PLSCR4: variants seen among roughly 807,000 people sequenced by gnomAD.
PLSCR4 encodes Ca(2+)-dependent phospholipid scramblase 4.
In PLSCR4, 25 loss-of-function variants were observed where a neutral mutation model predicts 36.3. That is an observed-to-expected ratio of 0.69 (90% confidence interval 0.50 to 0.96). PLSCR4 has a LOEUF of 0.96. Ranked by LOEUF, PLSCR4 falls within the 40% of genes least tolerant of loss-of-function variation. The probability of loss-of-function intolerance (pLI) is 0.00; values close to 1 mark genes in which losing one functional copy is unlikely to be tolerated. For missense variants in PLSCR4, 408 were observed against 414.7 expected (o/e 0.98, Z 0.14); for synonymous variants, 122 against 132.9 (o/e 0.92, Z 0.56).
At chr3:146,243,519 A>G (rs1385421555) in intron 1 of PLSCR4, among the ~76,000 whole-genome samples, 1 of 152,212 alleles carries the variant, frequency 6.6e-6, no homozygotes. Flanking sequence ...ACCCTAATCC[A>G]AAAGTCCAAA....
rs78992733 is a variant in PLSCR4, at chr3:146,242,701, G to A, written c.-22+8259C>T. Among the ~76,000 whole-genome samples, 6 of 152,282 alleles carry A rather than the reference G, an allele frequency of 3.9e-5. No homozygotes were observed. In the East Asian group the frequency reaches 1.2e-3, roughly 29 times the overall value. On this transcript the variant is annotated intron_variant, in intron 1 of 8. Transcript: ENST00000354952. ...GCCAACTTCATGTATAAAAACCAGA[G>A]ACCCAGAACCTGTGCTTTTCGAGAC...
chr3:146,215,348 A>T (rs1180385066), intron 3 of PLSCR4, among the ~76,000 whole-genome samples: 2 of 151,950 alleles, frequency 1.3e-5, no homozygotes, highest in Non-Finnish European at 2.9e-5. Context: ...ACTATGTGTT[A>T]TATTAGATTA....
intron 3 of PLSCR4, among the ~76,000 whole-genome samples, chr3:146,213,096 T>C (rs760722676): frequency 3.0e-4 from 46 of 152,158 alleles, no homozygotes; most frequent in Non-Finnish European, 5.0e-4. Context: ...TGGTGTTTAA[T>C]CCTTTTTTAT....
At chr3:146,232,163 G>T (rs1292254723) in intron 1 of PLSCR4, among the ~76,000 whole-genome samples, 2 of 152,078 alleles carry the variant, frequency 1.3e-5, no homozygotes, top group African/African-American at 2.4e-5. Context: ...TCAGATGGTT[G>T]TAAGTGTGCA....
chr3:146,250,165 T>A (rs2036489489), intron 1 of PLSCR4, among the ~76,000 whole-genome samples: 1 of 152,212 alleles, frequency 6.6e-6, no homozygotes, highest in Non-Finnish European at 1.5e-5. Context: ...TTAATGGAAA[T>A]GCTGCTAGTA....
Position 146,225,143 on chromosome 3 carries a change from C to T in PLSCR4, c.-21-3051G>A, listed in dbSNP as rs564710695. ...TACAGAGTGTCCATTGGTGCACTCA[C>T]AAACCTTGAGCTAAACACAGGGTGC... On this transcript the variant is annotated intron_variant, in intron 1 of 8. Transcript: ENST00000354952. Among the ~76,000 whole-genome samples the T allele has an allele frequency of 5.4e-4, 82 of 152,222 alleles. 5 individuals are homozygous for T. The Middle Eastern group carries it at 0.01, about 19-fold the overall frequency.
intron 1 of PLSCR4, among the ~76,000 whole-genome samples, chr3:146,229,744 C>T (rs1175480309): frequency 2.0e-5 from 3 of 151,778 alleles, no homozygotes; most frequent in African/African-American, 7.3e-5. Flanking sequence ...CCTGCCTCAG[C>T]CTCCCAAGTA....
intron 1 of PLSCR4, among the ~76,000 whole-genome samples, chr3:146,248,888 CT>C (rs2036444639): frequency 6.6e-6 from 1 of 152,112 alleles, no homozygotes; most frequent in Admixed American, 6.5e-5. Flanking sequence ...TCAACAACAC[CT>C]AAAGTTATCA....
At chr3:146,203,786 T>A (rs1452155343) in intron 4 of PLSCR4, among the ~76,000 whole-genome samples, 2 of 152,060 alleles carry the variant, frequency 1.3e-5, no homozygotes, top group East Asian at 3.9e-4. Flanking sequence ...TGGTTTGATC[T>A]TCTTTCTAGA....
At chr3:146,217,914 T>C (rs2034965694) in intron 3 of PLSCR4, among the ~76,000 whole-genome samples, 1 of 152,090 alleles carries the variant, frequency 6.6e-6, no homozygotes, top group South Asian at 2.1e-4. Flanking sequence ...ACCTTCAGTA[T>C]TAACAAGATC....
chr3:146,201,027 A>G lies in PLSCR4; in HGVS notation c.397+8T>C, dbSNP rs1027643612. The G allele has an allele frequency of 1.9e-6, 3 of 1,548,092 alleles. No individual in the cohort carries two copies. Among genetic ancestry groups the G allele is most frequent in the Non-Finnish European group, 8.7e-7 (1 of 1,146,670 alleles). Reference sequence around the variant, plus strand: ...AATACTGCTGAGCACTACAAAAATTATACATACTTTCCAGAGGCTCAAAAT... The same window carrying G: ...AATACTGCTGAGCACTACAAAAATTGTACATACTTTCCAGAGGCTCAAAAT... On this transcript the variant is annotated splice_region_variant and intron_variant, in intron 5 of 8. Coordinates refer to ENST00000354952, the MANE Select transcript of PLSCR4 (RefSeq NM_020353.3).
intron 7 of PLSCR4, among the ~76,000 whole-genome samples, 156 bp from the exon 8 acceptor site, chr3:146,195,438 G>A (rs1350520628): frequency 6.6e-6 from 1 of 152,170 alleles, no homozygotes; most frequent in East Asian, 1.9e-4. Flanking sequence ...AGGGTTAACT[G>A]CCTTGCAACT....
intron 3 of PLSCR4, among the ~76,000 whole-genome samples, chr3:146,210,776 A>T (rs1412160150): frequency 6.7e-6 from 1 of 149,746 alleles, no homozygotes; most frequent in Non-Finnish European, 1.5e-5. Flanking sequence ...CCTGAAAACC[A>T]CTACTATCTG....
rs1361305609 is a variant in PLSCR4 at position 146,222,048 on chromosome 3, T to G, written c.7+17A>C. On this transcript the variant is annotated intron_variant, in intron 2 of 8. Transcript: ENST00000354952. ...TTTGAAAATAAAGCATATTCAAATT[T>G]ATTCACAAAAACTTACCTGACATTT... 6.4e-6 allele frequency: 8 copies of G among 1,247,024 alleles called. No homozygotes were observed. Among genetic ancestry groups the G allele is most frequent in the South Asian group, 4.5e-5 (3 of 67,384 alleles). 77.2% of individuals were successfully genotyped at this position (1,247,024 alleles called of 1,614,324 possible).
chr3:146,243,467 C>A (rs1401109813), intron 1 of PLSCR4, among the ~76,000 whole-genome samples: 2 of 152,138 alleles, frequency 1.3e-5, no homozygotes, highest in African/African-American at 2.4e-5. Context: ...TTATAATATT[C>A]ATGCAGAGTT....
intron 1 of PLSCR4, among the ~76,000 whole-genome samples, chr3:146,229,624 T>C (rs71621138): frequency 0.038 from 5,385 of 141,212 alleles, 179 homozygotes; most frequent in South Asian, 0.073. Flanking sequence ...TTTATTTATT[T>C]ATTTATTTAT....
At position 146,206,463 on chromosome 3, in the gene PLSCR4, T is replaced by C. The variant is rs1025300716; in HGVS notation, c.354+63A>G. On this transcript the variant is annotated intron_variant, in intron 4 of 8. Coordinates refer to ENST00000354952, the MANE Select transcript of PLSCR4 (RefSeq NM_020353.3). ...TATTCACTCTGGTCTGCTTTTTTTC[T>C]CTCTTTGTTGGATCCCTATGGTCAC... is the stretch of plus-strand genomic sequence containing the variant. The C allele has an allele frequency of 2.3e-5, 28 of 1,242,874 alleles. No homozygotes were observed. In the African/African-American group the frequency reaches 3.4e-4, roughly 15 times the overall value. 77.0% of individuals were successfully genotyped at this position (1,242,874 alleles called of 1,614,324 possible).
intron 3 of PLSCR4, among the ~76,000 whole-genome samples, chr3:146,218,148 C>A (rs766458146): frequency 6.6e-6 from 1 of 151,870 alleles, no homozygotes; most frequent in African/African-American, 2.4e-5. Flanking sequence ...AAAAGTATAA[C>A]GTATTTGGAA....
intron 8 of PLSCR4, 32 bp from the exon 9 acceptor site, chr3:146,194,487 T>C (rs2033602349): frequency 1.5e-6 from 2 of 1,329,670 alleles, no homozygotes; most frequent in Non-Finnish European, 2.2e-6. Context: ...TATGTAGATA[T>C]ATAGATAATT....
Sources: gnomAD v4.1 joint callset for allele counts (sites outside exome capture counted in the v4.1 genomes callset) on GRCh38, gnomAD v4.1.1 for gene constraint, MANE v1.5 for transcripts, NCBI Gene and HGNC (gene_info 2026-07-23, HGNC 2026-07-21) for gene names.